The following STAB2 variants were observed in gnomAD, a reference collection of about 807,000 sequenced individuals.
STAB2 encodes stabilin 2.
A neutral mutation model predicts 338.1 loss-of-function variants in STAB2; 288 were observed. The observed-to-expected ratio is 0.85, with a 90% CI of 0.77 to 0.94. STAB2 has a LOEUF of 0.94. STAB2 is among the 40% of genes least tolerant of loss of function. The pLI, the probability that STAB2 is intolerant of heterozygous loss-of-function variation, is 0.00. For synonymous variants in STAB2, 1,202 were observed against 1,193.3 expected, an observed-to-expected ratio of 1.01 and a Z score of -0.15; for missense variants, 3,141 against 3,210.1, an observed-to-expected ratio of 0.98 and a Z score of 0.52.
intron 56 of STAB2, among the ~76,000 whole-genome samples, chr12:103,744,734 A>C (rs184009972): frequency 1.5e-3 from 233 of 152,206 alleles, no homozygotes; most frequent in African/African-American, 5.4e-3. Context: ...CAGCCGCCCA[A>C]AGTGCCGGGA....
Position 103,676,030 on chromosome 12 carries a change from T to TG in STAB2, c.2646+11dup. ...GAGGCTGTAGCCGCAATGTGAGTAC[T>TG]GGTCTTCATTTCCACCCTGCCTGGT... On this transcript the variant is annotated intron_variant, in intron 24 of 68. Coordinates refer to ENST00000388887, the MANE Select transcript of STAB2 (RefSeq NM_017564.10). The TG allele has an allele frequency of 6.4e-7, 1 of 1,553,206 alleles. No homozygotes were observed. Among genetic ancestry groups the TG allele is most frequent in the Non-Finnish European group, 8.7e-7 (1 of 1,145,480 alleles).
intron 19 of STAB2, among the ~76,000 whole-genome samples, chr12:103,667,836 G>C (rs1263203958): frequency 6.6e-6 from 1 of 152,114 alleles, no homozygotes; most frequent in Non-Finnish European, 1.5e-5. Context: ...CTAAATTCTC[G>C]TGACAAAACT....
chr12:103,758,371 A>C, intron 64 of STAB2, 82 bp downstream of exon 64: 1 of 1,586,600 alleles, frequency 6.3e-7, no homozygotes, highest in Non-Finnish European at 8.6e-7. Flanking sequence ...AATTACCTGA[A>C]AACTCAGTGG....
intron 3 of STAB2, among the ~76,000 whole-genome samples, chr12:103,607,831 G>T (rs1270599597): frequency 6.6e-6 from 1 of 152,166 alleles, no homozygotes; most frequent in South Asian, 2.1e-4. Flanking sequence ...ATTGTGAATA[G>T]TGCCGCAATA....
rs74416041 is a variant in STAB2 at position 103,623,202 on chromosome 12, G to A, written c.487+1091G>A. Among the ~76,000 whole-genome samples, 18 of 152,332 alleles carry A rather than the reference G, an allele frequency of 1.2e-4. No individual in the cohort carries two copies. In the East Asian group the frequency reaches 3.1e-3, roughly 26 times the overall value. Reference sequence around the variant, plus strand: ...CCACTGGAGCCTGATGCCCCAGGGAGCTCTGGGGGTCGGTGCAGAACACAC... The same window carrying A: ...CCACTGGAGCCTGATGCCCCAGGGAACTCTGGGGGTCGGTGCAGAACACAC... On this transcript the variant is annotated intron_variant, in intron 5 of 68. Transcript: ENST00000388887.
chr12:103,733,311 A>C, intron 51 of STAB2, 129 bp downstream of exon 51: 2 of 1,075,246 alleles, frequency 1.9e-6, no homozygotes, highest in Non-Finnish European at 2.8e-6. Flanking sequence ...AAGCCACAGC[A>C]TCCCCTGCCC....
chr12:103,692,881 A>T lies in STAB2; in HGVS notation c.3367A>T (p.Ile1123Phe), dbSNP rs766289938. The T allele has an allele frequency of 3.2e-5, 51 of 1,612,972 alleles. 1 individual carries two copies. Among genetic ancestry groups the T allele is most frequent in the Middle Eastern group, 3.3e-4 (2 of 6,078 alleles). Residue 1123 changes from isoleucine (I) to phenylalanine (F), a missense_variant, in exon 31 of 69, where the codon ATC becomes TTC. Physicochemically the swap from Ile to Phe is conservative, Grantham distance 21. Transcript: ENST00000388887. Reference protein sequence around the residue: ...NAATNGVIHIINKVLVPQRRL... With the variant: ...NAATNGVIHIFNKVLVPQRRL... Reference sequence around the variant, plus strand: ...AGCCACAAATGGAGTGATACACATCATCAACAAGGTACAAGATTCCATTCT... The same window carrying T: ...AGCCACAAATGGAGTGATACACATCTTCAACAAGGTACAAGATTCCATTCT...
chr12:103,593,303 T>C (rs1956827749), intron 2 of STAB2, among the ~76,000 whole-genome samples: 2 of 152,234 alleles, frequency 1.3e-5, no homozygotes, highest in Non-Finnish European at 2.9e-5. Flanking sequence ...GTTGTTCCCT[T>C]TTCTCCACAT....
At chr12:103,689,313 T>A (rs1877716966) in intron 28 of STAB2, among the ~76,000 whole-genome samples, 1 of 152,010 alleles carries the variant, frequency 6.6e-6, no homozygotes, top group South Asian at 2.1e-4. Flanking sequence ...TGAAACCCCG[T>A]CTCTGCTACA....
intron 52 of STAB2, 67 bp downstream of exon 52, chr12:103,735,647 A>C: frequency 1.6e-6 from 2 of 1,234,200 alleles, no homozygotes; most frequent in Non-Finnish European, 2.2e-6. Flanking sequence ...TTCCCCAACA[A>C]CTGCCCCTTC....
At position 103,654,735 on chromosome 12, in the gene STAB2, C is replaced by T. The variant is rs112169169; in HGVS notation, c.1551+37C>T. On this transcript the variant is annotated intron_variant, in intron 13 of 68. Transcript: ENST00000388887. ...GATAAAAGTCACATCAGGCCAGGTCCATCTTCCTTTGTTCCCTGGAGAGTC... is the reference window on the plus strand; with the variant it reads ...GATAAAAGTCACATCAGGCCAGGTCTATCTTCCTTTGTTCCCTGGAGAGTC... 6.0e-4 allele frequency: 955 copies of T among 1,602,352 alleles called. 10 individuals carry two copies. In the African/African-American group the frequency reaches 0.011, roughly 19 times the overall value.
chr12:103,752,527 G>A (rs1883757659), intron 60 of STAB2, among the ~76,000 whole-genome samples: 1 of 152,164 alleles, frequency 6.6e-6, no homozygotes, highest in Non-Finnish European at 1.5e-5. Context: ...AAAGGTATCA[G>A]CTATGAACCA....
chr12:103,711,320 TA>T, intron 39 of STAB2, 150 bp from the exon 40 acceptor site: 4 of 987,602 alleles, frequency 4.1e-6, no homozygotes, highest in Non-Finnish European at 5.9e-6. Flanking sequence ...GCAGCCAGTA[TA>T]AAAAAGGATT....
chr12:103,756,300 T>C (rs182656484), intron 63 of STAB2, among the ~76,000 whole-genome samples: 4 of 152,330 alleles, frequency 2.6e-5, no homozygotes, highest in African/African-American at 7.2e-5. Context: ...ATCAAAGAAC[T>C]GACCTAACAG....
At chr12:103,612,853 A>C (rs1012707226) in intron 3 of STAB2, among the ~76,000 whole-genome samples, 1 of 152,152 alleles carries the variant, frequency 6.6e-6, no homozygotes, top group Non-Finnish European at 1.5e-5. Context: ...GGTGACGTAC[A>C]GATGGGGTTT....
At chr12:103,657,951 G>A (rs1874317108) in intron 15 of STAB2, 1 of 152,170 alleles carries the variant, frequency 6.6e-6, no homozygotes, top group Non-Finnish European at 1.5e-5. Context: ...TTCTGACTTT[G>A]GAATGCCATG....
At chr12:103,615,645 A>T (rs1175112605) in intron 3 of STAB2, among the ~76,000 whole-genome samples, 2 of 152,234 alleles carry the variant, frequency 1.3e-5, no homozygotes, top group African/African-American at 2.4e-5. Context: ...ACTGCTATGA[A>T]GAAATACCCA....
In STAB2 at chr12:103,637,160, G is replaced by T; in HGVS notation, c.633G>T (p.Ser211=). 1 of 1,611,080 alleles carries T rather than the reference G, an allele frequency of 6.2e-7. No individual in the cohort carries two copies. Among genetic ancestry groups the T allele is most frequent in the African/African-American group, 1.3e-5 (1 of 74,898 alleles). Residue 211 remains serine (S), a synonymous_variant, in exon 7 of 69, where the codon TCG becomes TCT. Coordinates refer to ENST00000388887, the MANE Select transcript of STAB2 (RefSeq NM_017564.10). ...ALLCPENSRC[S]PSTEDENKLE... Reference sequence around the variant, plus strand: ...TCTGCCCAGAAAATTCCAGATGTTCGCCTTCCACTGAAGATGAAAACAAAC... The same window carrying T: ...TCTGCCCAGAAAATTCCAGATGTTCTCCTTCCACTGAAGATGAAAACAAAC...
intron 11 of STAB2, among the ~76,000 whole-genome samples, chr12:103,651,201 T>C (rs1873714423): frequency 6.6e-6 from 1 of 152,194 alleles, no homozygotes; most frequent in South Asian, 2.1e-4. Context: ...TGTATACAAC[T>C]TATTATCTTC....
Sources: gnomAD v4.1 joint callset for allele counts (sites outside exome capture counted in the v4.1 genomes callset) on GRCh38, gnomAD v4.1.1 for gene constraint, MANE v1.5 for transcripts, NCBI Gene and HGNC (gene_info 2026-07-23, HGNC 2026-07-21) for gene names.